The following DNAH2 variants were observed in gnomAD, a reference collection of about 807,000 sequenced individuals.
DNAH2 encodes the protein dynein axonemal heavy chain 2.
In DNAH2, 323 loss-of-function variants were observed where a neutral mutation model predicts 523.5. The ratio of observed to expected loss-of-function variants is 0.62; its 90% confidence interval spans 0.56 to 0.68. The LOEUF (loss-of-function observed/expected upper bound fraction) is 0.68. Among genes scored for constraint, DNAH2 ranks in the 30% least tolerant of loss-of-function variants. The probability of loss-of-function intolerance (pLI) is 0.00; values close to 1 mark genes in which losing one functional copy is unlikely to be tolerated. For synonymous variants in DNAH2, 2,093 were observed against 2,177.4 expected (o/e 0.96, Z 1.08); for missense variants, 4,907 against 5,701.5 (o/e 0.86, Z 4.49).
chr17:7,794,186 G>A, intron 48 of DNAH2, 68 bp from the exon 49 acceptor site: 1 of 1,151,968 alleles, frequency 8.7e-7, no homozygotes. Context: ...TTTTCACCTG[G>A]CCTGTGTCGG....
At position 7,758,977 on chromosome 17, in the gene DNAH2, T is replaced by C; in HGVS notation, c.2301T>C (p.Ser767=). The C allele has an allele frequency of 6.2e-7, 1 of 1,614,168 alleles. No individual in the cohort carries two copies. The highest frequency in any genetic ancestry group is 8.5e-7 in the Non-Finnish European group (1 of 1,180,018). ...CAGAGAAGCTGCTGGTACGCATTAG[T>C]GGCAAACGGGTATACAGGGACCTGG... ...EMSEKLLVRI[S]GKRVYRDLEF... The change falls in exon 15 of 86, where the codon AGT becomes AGC. Residue 767 remains serine, a synonymous_variant. Coordinates refer to ENST00000572933, the MANE Select transcript of DNAH2 (RefSeq NM_020877.5).
chr17:7,810,640 C>T (rs529014297), intron 63 of DNAH2, among the ~76,000 whole-genome samples: 1 of 152,250 alleles, frequency 6.6e-6, no homozygotes, highest in Admixed American at 6.5e-5. Context: ...CTGCCCGTCT[C>T]GGCCTCCCAA....
At chr17:7,800,896 C>T (rs892519892) in intron 56 of DNAH2, among the ~76,000 whole-genome samples, 1 of 148,386 alleles carries the variant, frequency 6.7e-6, no homozygotes, top group African/African-American at 2.5e-5. Flanking sequence ...TTTTTGAGAC[C>T]GAGTCTTGCT....
At chr17:7,816,994 T>A (rs779839723) in intron 64 of DNAH2, among the ~76,000 whole-genome samples, 1 of 152,186 alleles carries the variant, frequency 6.6e-6, no homozygotes, top group Non-Finnish European at 1.5e-5. Flanking sequence ...ACTCTTGATG[T>A]AGCCCAACAA....
At chr17:7,771,790 C>T (rs1410170687) in intron 28 of DNAH2, among the ~76,000 whole-genome samples, 1 of 151,886 alleles carries the variant, frequency 6.6e-6, no homozygotes, top group Non-Finnish European at 1.5e-5. Flanking sequence ...GATCTCGGCT[C>T]ACTGCAATCT....
rs139625799 is a variant in DNAH2, at chr17:7,771,377, G to A, written c.4410G>A (p.Ser1470=). The stretch of plus-strand genomic sequence containing the variant: ...TCCGCAAGCAGCTGCCCAATGAATC[G>A]ACCTTATTTGACCAGGTCAACAGCA... ...EDIRKQLPNE[S]TLFDQVNSNW... is the part of the protein sequence containing the mutation. The change falls in exon 28 of 86, where the codon TCG becomes TCA. Residue 1470 remains serine, a synonymous_variant. Transcript: ENST00000572933. 1.5e-5 allele frequency: 25 copies of A among 1,614,024 alleles called. No homozygotes were observed. The African/African-American group carries it at 2.1e-4, about 14-fold the overall frequency.
rs1227188885 is a variant in DNAH2 at position 7,780,535 on chromosome 17, C to T, written c.5851-95C>T. On this transcript the variant is annotated intron_variant, in intron 37 of 85. Transcript: ENST00000572933. The surrounding 1 kb of genome is among the most constrained non-coding windows in gnomAD (Gnocchi z 4.4). ...AGAGTGCCTCCTAGCTGCTTCATGTCCTGGGACCTGGCTTCTTGTCTCTGA... is the reference window on the plus strand; with the variant it reads ...AGAGTGCCTCCTAGCTGCTTCATGTTCTGGGACCTGGCTTCTTGTCTCTGA... 6.4e-7 allele frequency: 1 copy of T among 1,553,682 alleles called. No homozygotes were observed. Among genetic ancestry groups the T allele is most frequent in the East Asian group, 2.3e-5 (1 of 44,346 alleles).
intron 49 of DNAH2, among the ~76,000 whole-genome samples, chr17:7,794,752 C>CT (rs764592403): frequency 0.079 from 9,897 of 125,244 alleles, 587 homozygotes; most frequent in East Asian, 0.18. Context: ...TTAACACTTC[C>CT]TTTTTTTTTT....
chr17:7,824,396 C>T lies in DNAH2; in HGVS notation c.11662+92C>T, dbSNP rs182197687. On this transcript the variant is annotated intron_variant, in intron 76 of 85. Coordinates refer to ENST00000572933, the MANE Select transcript of DNAH2 (RefSeq NM_020877.5). The stretch of plus-strand genomic sequence containing the variant: ...CAATTACACTACTGTCCCTGTACCT[C>T]CCACTTCTACAGAGGGCCCCAGAAG... 332 of 1,455,160 alleles carry T rather than the reference C, an allele frequency of 2.3e-4. 2 individuals are homozygous for T. The African/African-American group carries it at 4.5e-3, about 20-fold the overall frequency. The allele number at this position is 1,455,160 out of a possible 1,614,324, so 90.1% of individuals were successfully genotyped here.
intron 46 of DNAH2, 22 bp from the exon 47 acceptor site, chr17:7,792,635 G>A (rs1158417630): frequency 6.2e-7 from 1 of 1,605,356 alleles, no homozygotes; most frequent in East Asian, 2.2e-5. Context: ...GTCCTTGAGA[G>A]CCGGCCCCTG....
chr17:7,792,242 C>T lies in DNAH2; in HGVS notation c.7054-10C>T. On this transcript the variant is annotated splice_polypyrimidine_tract_variant and intron_variant, in intron 45 of 85. Coordinates refer to ENST00000572933, the MANE Select transcript of DNAH2 (RefSeq NM_020877.5). ...AGGCTTTGGTAACCTGACCTACATG[C>T]CCTCCTTAGGACACGGTATATGAGT... 1 of 1,613,378 alleles carries T rather than the reference C, an allele frequency of 6.2e-7. No individual in the cohort carries two copies. The highest frequency in any genetic ancestry group is 8.5e-7 in the Non-Finnish European group (1 of 1,179,448).
intron 46 of DNAH2, 58 bp from the exon 47 acceptor site, chr17:7,792,598 TG>T (rs2076928943): frequency 7.1e-7 from 1 of 1,407,912 alleles, no homozygotes; most frequent in African/African-American, 1.4e-5. Context: ...GGAAAGGAAG[TG>T]GGAGTTGGAA....
chr17:7,810,829 A>G (rs1403633638), intron 63 of DNAH2, among the ~76,000 whole-genome samples: 1 of 151,976 alleles, frequency 6.6e-6, no homozygotes, highest in Non-Finnish European at 1.5e-5. Flanking sequence ...GAGATGGGAA[A>G]GCTTATGCAT....
At chr17:7,783,004 C>T (rs1166239236) in intron 39 of DNAH2, among the ~76,000 whole-genome samples, 3 of 152,308 alleles carry the variant, frequency 2.0e-5, no homozygotes, top group African/African-American at 2.4e-5. Context: ...GATGGTGGTG[C>T]ACTGGGCAAA....
rs907690246 is a variant in DNAH2 at position 7,828,370 on chromosome 17, C to A, written c.11854-1930C>A. 1.6e-4 allele frequency among the ~76,000 whole-genome samples: 25 copies of A among 152,072 alleles called. 1 individual carries two copies. The South Asian group carries it at 5.0e-3, about 30-fold the overall frequency. On this transcript the variant is annotated intron_variant, in intron 77 of 85. Coordinates refer to ENST00000572933, the MANE Select transcript of DNAH2 (RefSeq NM_020877.5). The surrounding 1 kb of genome is among the most constrained non-coding windows in gnomAD (Gnocchi z 4.1). ...ATTTGTTTGTTCTATTAAAAAAATTCTATTCATCAGTTTGGGGAAAATTCA... is the reference window on the plus strand; with the variant it reads ...ATTTGTTTGTTCTATTAAAAAAATTATATTCATCAGTTTGGGGAAAATTCA...
intron 76 of DNAH2, 50 bp downstream of exon 76, chr17:7,824,354 C>T: frequency 1.3e-6 from 2 of 1,487,778 alleles, no homozygotes; most frequent in Non-Finnish European, 1.8e-6. Flanking sequence ...AGTCCTTGTC[C>T]CTAGAACCTC....
rs573454015 is a variant in DNAH2 at position 7,746,445 on chromosome 17, T to G, written c.1904+3303T>G. 3.3e-5 allele frequency among the ~76,000 whole-genome samples: 5 copies of G among 152,302 alleles called. No individual in the cohort carries two copies. In the South Asian group the frequency reaches 1.0e-3, roughly 32 times the overall value. ...TATATTCCAAGTGCTTTCAAAATGATTAATTTTTCCATTATAAAATTATTG... is the reference window on the plus strand; with the variant it reads ...TATATTCCAAGTGCTTTCAAAATGAGTAATTTTTCCATTATAAAATTATTG... On this transcript the variant is annotated intron_variant, in intron 12 of 85. Transcript: ENST00000572933.
chr17:7,807,553 C>T lies in DNAH2; in HGVS notation c.9696C>T (p.Ala3232=), dbSNP rs372988182. The T allele has an allele frequency of 9.4e-5, 152 of 1,612,724 alleles. 2 individuals carry two copies. The Middle Eastern group carries it at 1.3e-3, about 14-fold the overall frequency. The stretch of plus-strand genomic sequence containing the variant: ...TGGCTCAGCTTCGGGAGAAGCAAGC[C>T]GCGCTCGCTGAGGCCCAGGAGAAGC... ...AALAQLREKQ[A]ALAEAQEKLR... The change falls in exon 63 of 86, where the codon GCC becomes GCT. Residue 3232 remains alanine, a synonymous_variant. Coordinates refer to ENST00000572933, the MANE Select transcript of DNAH2 (RefSeq NM_020877.5). This position sits in a 1 kb window ranked among gnomAD's most constrained non-coding sequence, Gnocchi z 5.6.
chr17:7,745,793 C>CAAAAAAAAAA (rs5819164), intron 12 of DNAH2, among the ~76,000 whole-genome samples: 3 of 123,786 alleles, frequency 2.4e-5, no homozygotes, highest in African/African-American at 6.0e-5. Flanking sequence ...CTGTCTCAAA[C>CAAAAAAAAAA]AAAAAAAAAA....
Sources: allele counts gnomAD v4.1 joint callset (sites outside exome capture counted in the v4.1 genomes callset), GRCh38; gene constraint gnomAD v4.1.1; non-coding constraint Gnocchi (gnomAD v3.1); transcripts MANE v1.5; gene names NCBI Gene and HGNC (gene_info 2026-07-23, HGNC 2026-07-21).